GRIK3: variants seen among roughly 807,000 people sequenced by gnomAD.
GRIK3 encodes the protein glutamate receptor ionotropic, kainate 3.
In GRIK3, 29 loss-of-function variants were observed where a neutral mutation model predicts 102.5. The observed-to-expected ratio is 0.28, with a 90% CI of 0.21 to 0.39. The LOEUF (loss-of-function observed/expected upper bound fraction) is 0.39. GRIK3 is among the 10% of genes least tolerant of loss of function. The pLI is 1.00. For missense variants in GRIK3, 908 were observed against 1,252.4 expected, an observed-to-expected ratio of 0.73 and a Z score of 4.15; for synonymous variants, 511 against 504.9, an observed-to-expected ratio of 1.01 and a Z score of -0.16.
chr1:36,910,540 C>A (rs570646234), intron 1 of GRIK3, among the ~76,000 whole-genome samples: 1 of 152,214 alleles, frequency 6.6e-6, no homozygotes, highest in Admixed American at 6.5e-5. Flanking sequence ...TTCTCAGGCA[C>A]CTCTGTGCCC....
At chr1:36,925,665 C>G (rs573139250) in intron 1 of GRIK3, among the ~76,000 whole-genome samples, 148 of 152,346 alleles carry the variant, frequency 9.7e-4, no homozygotes, top group Admixed American at 2.2e-3. Context: ...TGCCACAGGC[C>G]GAGCATGGCA....
intron 1 of GRIK3, 57 bp from the exon 2 acceptor site, chr1:36,891,153 G>T: frequency 7.4e-7 from 1 of 1,354,554 alleles, no homozygotes; most frequent in Non-Finnish European, 1.0e-6. Flanking sequence ...GCTCTAGCAA[G>T]GATGCTTGGC....
intron 1 of GRIK3, among the ~76,000 whole-genome samples, chr1:36,984,432 A>G (rs1054304576): frequency 2.6e-5 from 4 of 152,252 alleles, no homozygotes. Flanking sequence ...GCTGTCACTC[A>G]GGGCACCTGG....
chr1:36,945,919 G>C (rs1473707718), intron 1 of GRIK3, among the ~76,000 whole-genome samples: 1 of 152,184 alleles, frequency 6.6e-6, no homozygotes, highest in African/African-American at 2.4e-5. Flanking sequence ...GTGCTCCAAG[G>C]GGGACCTACG....
chr1:36,897,136 A>G (rs1191817557), intron 1 of GRIK3, among the ~76,000 whole-genome samples: 2 of 152,188 alleles, frequency 1.3e-5, no homozygotes, highest in Non-Finnish European at 2.9e-5. Flanking sequence ...TTCTACTGGA[A>G]GTTCTATCCA....
intron 1 of GRIK3, among the ~76,000 whole-genome samples, chr1:36,955,793 T>C (rs1641899066): frequency 6.6e-6 from 1 of 152,270 alleles, no homozygotes; most frequent in South Asian, 2.1e-4. Context: ...CAAGTGCTCA[T>C]GCACACATCC....
chr1:37,018,866 T>C (rs1570869396), intron 1 of GRIK3, among the ~76,000 whole-genome samples: 1 of 152,176 alleles, frequency 6.6e-6, no homozygotes, highest in African/African-American at 2.4e-5. Flanking sequence ...GAAAATATTA[T>C]AAATCTACCC....
At chr1:37,014,879 A>T (rs202151666) in intron 1 of GRIK3, among the ~76,000 whole-genome samples, 53 of 90,570 alleles carry the variant, frequency 5.9e-4, no homozygotes, top group South Asian at 1.4e-3. Context: ...TTCTTTTCTC[A>T]TCTATTCTCT....
chr1:36,974,120 T>G (rs947575103), intron 1 of GRIK3, among the ~76,000 whole-genome samples: 2 of 152,202 alleles, frequency 1.3e-5, no homozygotes, highest in Admixed American at 6.5e-5. Flanking sequence ...TTGGCTTTTA[T>G]CCCTTCCCTG....
intron 10 of GRIK3, among the ~76,000 whole-genome samples, chr1:36,838,974 C>A (rs59517602): frequency 1.3e-5 from 2 of 152,110 alleles, no homozygotes; most frequent in Non-Finnish European, 2.9e-5. Context: ...CCTGGCTGCT[C>A]GGAGGCCGTG....
chr1:36,957,166 T>C (rs1256308894), intron 1 of GRIK3, among the ~76,000 whole-genome samples: 1 of 152,244 alleles, frequency 6.6e-6, no homozygotes, highest in Non-Finnish European at 1.5e-5. Context: ...TGTGCTCTTA[T>C]CAATAGAGAG....
intron 2 of GRIK3, among the ~76,000 whole-genome samples, chr1:36,887,445 G>A (rs928934247): frequency 6.6e-6 from 1 of 152,054 alleles, no homozygotes; most frequent in African/African-American, 2.4e-5. Context: ...CTCCAACAAA[G>A]GATGCAATAA....
chr1:36,954,634 T>C (rs923887680), intron 1 of GRIK3, among the ~76,000 whole-genome samples: 2 of 152,180 alleles, frequency 1.3e-5, no homozygotes, highest in Non-Finnish European at 2.9e-5. Context: ...GACAGGTCCC[T>C]GAGGTTCCCC....
intron 1 of GRIK3, among the ~76,000 whole-genome samples, chr1:37,002,972 C>G (rs1409777486): frequency 1.3e-5 from 2 of 151,382 alleles, no homozygotes; most frequent in African/African-American, 4.9e-5. Context: ...TCACATAAAG[C>G]TCCAGATAAG....
At chr1:37,008,559 A>C (rs908263633) in intron 1 of GRIK3, among the ~76,000 whole-genome samples, 6 of 152,260 alleles carry the variant, frequency 3.9e-5, no homozygotes, top group African/African-American at 1.4e-4. Context: ...CAGACAAAGC[A>C]ATCTACTTTG....
At chr1:36,814,348 A>G (rs541366543) in intron 13 of GRIK3, among the ~76,000 whole-genome samples, 1 of 152,262 alleles carries the variant, frequency 6.6e-6, no homozygotes, top group South Asian at 2.1e-4. Context: ...CTCTGGCACA[A>G]AGGGCTGGGC....
At chr1:36,860,768 C>T (rs980172544) in intron 5 of GRIK3, among the ~76,000 whole-genome samples, 17 of 152,100 alleles carry the variant, frequency 1.1e-4, no homozygotes, top group Non-Finnish European at 2.4e-4. Flanking sequence ...GGAGAGATGG[C>T]GGCAGAGGAC....
Position 36,819,707 on chromosome 1 carries a change from A to C in GRIK3, c.1873+29T>G, listed in dbSNP as rs749040723. ...ACCGCTTGGGGAAAGCAGACCCTGG[A>C]AGGGGAGGCCCTGGGAGAGGGTGCA... On this transcript the variant is annotated intron_variant, in intron 12 of 15. Transcript: ENST00000373091. This position sits in a 1 kb window ranked among gnomAD's most constrained non-coding sequence, Gnocchi z 4.1. The C allele has an allele frequency of 6.0e-6, 7 of 1,160,846 alleles. No individual in the cohort carries two copies. The highest frequency in any genetic ancestry group is 9.1e-6 in the Non-Finnish European group (7 of 766,252). 71.9% of individuals were successfully genotyped at this position (1,160,846 alleles called of 1,614,324 possible).
intron 2 of GRIK3, among the ~76,000 whole-genome samples, chr1:36,884,878 C>T (rs980983858): frequency 2.0e-5 from 3 of 152,216 alleles, no homozygotes; most frequent in Admixed American, 6.5e-5. Context: ...TACCATTACA[C>T]GGCCTGGCCT....
Sources: gnomAD v4.1 joint callset for allele counts (sites outside exome capture counted in the v4.1 genomes callset) on GRCh38, gnomAD v4.1.1 for gene constraint, Gnocchi (gnomAD v3.1) non-coding constraint, MANE v1.5 for transcripts, NCBI Gene and HGNC (gene_info 2026-07-23, HGNC 2026-07-21) for gene names.